Variants in ACAA2 observed in about 807,000 individuals in gnomAD.
ACAA2 encodes acetyl-CoA acyltransferase 2, also known as 3-ketoacyl-CoA thiolase, mitochondrial.
A neutral mutation model predicts 44.8 loss-of-function variants in ACAA2; 35 were observed. The ratio of observed to expected loss-of-function variants is 0.78; its 90% confidence interval spans 0.60 to 1.04. The LOEUF (loss-of-function observed/expected upper bound fraction) is 1.04. Among genes scored for constraint, ACAA2 ranks in the 50% least tolerant of loss-of-function variants. ACAA2 has a pLI of 0.00. For synonymous variants in ACAA2, 142 were observed against 166.5 expected (o/e 0.85, Z 1.13); for missense variants, 468 against 482.6 (o/e 0.97, Z 0.28).
At chr18:49,787,603 T>C (rs1402507966) in intron 7 of ACAA2, among the ~76,000 whole-genome samples, 2 of 151,682 alleles carry the variant, frequency 1.3e-5, no homozygotes, top group African/African-American at 4.8e-5. Context: ...AGTGGGAGGA[T>C]CACTTTAGCC....
At chr18:49,801,837 T>C (rs1443697797) in intron 2 of ACAA2, among the ~76,000 whole-genome samples, 1 of 145,130 alleles carries the variant, frequency 6.9e-6, no homozygotes, top group Non-Finnish European at 1.5e-5. Flanking sequence ...CATTAGATTA[T>C]TACCTCCTTT....
chr18:49,787,268 A>AC lies in ACAA2; in HGVS notation c.954+22_954+23insG, dbSNP rs774059180. Reference sequence around the variant, plus strand: ...TGGTTTATTCATGTTGTTAAAAAAAAAAAAAAAAAAAAAAACACTTACCTC... The same window carrying AC: ...TGGTTTATTCATGTTGTTAAAAAAAACAAAAAAAAAAAAAAACACTTACCTC... On this transcript the variant is annotated intron_variant, in intron 8 of 9. Transcript: ENST00000285093. The AC allele has an allele frequency of 4.6e-4, 662 of 1,429,170 alleles. 15 individuals are homozygous for AC. The South Asian group carries it at 9.3e-3, about 20-fold the overall frequency. The allele number at this position is 1,429,170 out of a possible 1,614,324, so 88.5% of individuals were successfully genotyped here. A position where few individuals can be genotyped will look rare whatever the true frequency, so the allele number is the denominator to read the frequency against.
chr18:49,810,306 AAAGAT>A (rs1568592242), intron 1 of ACAA2, among the ~76,000 whole-genome samples: 1 of 152,176 alleles, frequency 6.6e-6, no homozygotes, highest in African/African-American at 2.4e-5. Context: ...TTTGAAATCC[AAAGAT>A]AACAAAAATA....
At chr18:49,784,772 A>G (rs1157865052) in intron 9 of ACAA2, among the ~76,000 whole-genome samples, 1 of 152,136 alleles carries the variant, frequency 6.6e-6, no homozygotes, top group Non-Finnish European at 1.5e-5. Flanking sequence ...AAAAACTTAG[A>G]CCCAAATGTC....
intron 8 of ACAA2, 123 bp downstream of exon 8, chr18:49,787,168 T>A: frequency 1.4e-6 from 1 of 737,454 alleles, no homozygotes; most frequent in Non-Finnish European, 2.0e-6. Context: ...ATGTACATCA[T>A]TTGGAAAGGC....
Position 49,783,280 on chromosome 18 carries a change from T to TTGTC in ACAA2, c.*563_*566dup, listed in dbSNP as rs1308438954. ...TTATAGAAACAAAATACACTGGTGG[T>TTGTC]TGTCAGGGGATGGGGGATGGGAGAA... On this transcript the variant is annotated 3_prime_UTR_variant, in exon 10 of 10. Transcript: ENST00000285093. 2 of 152,302 alleles carry TTGTC rather than the reference T, an allele frequency of 1.3e-5. No homozygotes were observed. The highest frequency in any genetic ancestry group is 2.9e-5 in the Non-Finnish European group (2 of 68,122). 9.4% of individuals were successfully genotyped at this position (152,302 alleles called of 1,614,324 possible). A position where few individuals can be genotyped will look rare whatever the true frequency, so the allele number is the denominator to read the frequency against.
chr18:49,791,073 A>C (rs1006724070), intron 7 of ACAA2, among the ~76,000 whole-genome samples: 4 of 152,210 alleles, frequency 2.6e-5, no homozygotes, highest in African/African-American at 9.6e-5. Flanking sequence ...AGGAGCTGCG[A>C]TACCACCTTC....
At chr18:49,794,534 T>G (rs2023442983) in intron 4 of ACAA2, 107 bp from the exon 5 acceptor site, 1 of 922,416 alleles carries the variant, frequency 1.1e-6, no homozygotes, top group Non-Finnish European at 1.5e-6. Context: ...AAAGTAAAAT[T>G]AAGACTTTCT....
rs2023295644 is a variant in ACAA2, at chr18:49,783,917, T to C, written c.1124A>G (p.Lys375Arg). 2 of 1,613,950 alleles carry C rather than the reference T, an allele frequency of 1.2e-6. No homozygotes were observed. The highest frequency in any genetic ancestry group is 1.7e-6 in the Non-Finnish European group (2 of 1,179,964). The part of the protein sequence containing the change: ...LVHELRRRGG[K>R]YAVGSACIGG... Reference sequence around the variant, plus strand: ...AATGCAAGCTGATCCAACGGCATATTTTCCACCTCGACGCCTGAAAAAGAA... The same window carrying C: ...AATGCAAGCTGATCCAACGGCATATCTTCCACCTCGACGCCTGAAAAAGAA... The change falls in exon 10 of 10, where the codon AAA becomes AGA. Residue 375 changes from lysine (K) to arginine (R), a missense_variant. Transcript: ENST00000285093.
At chr18:49,810,368 G>C (rs2023655267) in intron 1 of ACAA2, among the ~76,000 whole-genome samples, 1 of 152,060 alleles carries the variant, frequency 6.6e-6, no homozygotes, top group Admixed American at 6.6e-5. Context: ...ACATGGAAAT[G>C]ACCCCTCACT....
intron 7 of ACAA2, among the ~76,000 whole-genome samples, chr18:49,788,899 T>C (rs1367480357): frequency 6.6e-6 from 1 of 152,266 alleles, no homozygotes; most frequent in Admixed American, 6.5e-5. Flanking sequence ...TCCTGGTTCC[T>C]GTCACTAATA....
rs147179328 is a variant in ACAA2, at chr18:49,795,837, G to A, written c.357C>T (p.Thr119=). ...AGTAGGGAGCTTGGCTCATGCTTTC[G>A]GTTCCTCCACATAAAACAACTTCAG... The part of the protein sequence containing the change: ...KEAEVVLCGG[T]ESMSQAPYCV... The change falls in exon 4 of 10, where the codon ACC becomes ACT. Residue 119 remains threonine, a synonymous_variant. Transcript: ENST00000285093. 1.1e-5 allele frequency: 17 copies of A among 1,610,932 alleles called. No homozygotes were observed. Among genetic ancestry groups the A allele is most frequent in the Middle Eastern group, 1.6e-4 (1 of 6,066 alleles).
chr18:49,799,054 G>A (rs895338574), intron 2 of ACAA2, among the ~76,000 whole-genome samples: 1 of 152,018 alleles, frequency 6.6e-6, no homozygotes, highest in African/African-American at 2.4e-5. Flanking sequence ...TATTTCTTAG[G>A]AAACAATGAA....
rs2023291268 is a variant in ACAA2, at chr18:49,783,616, T to G, written c.*231A>C. 8 of 449,716 alleles carry G rather than the reference T, an allele frequency of 1.8e-5. No individual in the cohort carries two copies. The highest frequency in any genetic ancestry group is 2.9e-5 in the Non-Finnish European group (7 of 243,512). 27.9% of individuals were successfully genotyped at this position (449,716 alleles called of 1,614,324 possible). A position where few individuals can be genotyped will look rare whatever the true frequency, so the allele number is the denominator to read the frequency against. On this transcript the variant is annotated 3_prime_UTR_variant, in exon 10 of 10. Transcript: ENST00000285093. Reference sequence around the variant, plus strand: ...TTTAATGTCTTCTATAGTTGAGTTTTAGCTCAGAAATACATCATATTTCAC... The same window carrying G: ...TTTAATGTCTTCTATAGTTGAGTTTGAGCTCAGAAATACATCATATTTCAC...
intron 2 of ACAA2, 131 bp from the exon 3 acceptor site, chr18:49,797,725 T>C (rs990471529): frequency 1.1e-5 from 7 of 627,180 alleles, no homozygotes; most frequent in Non-Finnish European, 1.3e-5. Context: ...TAGGACAAAA[T>C]GCATCTAAGT....
intron 7 of ACAA2, among the ~76,000 whole-genome samples, chr18:49,787,926 G>A (rs1241681467): frequency 6.6e-6 from 1 of 152,144 alleles, no homozygotes; most frequent in African/African-American, 2.4e-5. Flanking sequence ...AGGCCCATTT[G>A]GATAAAAGAC....
chr18:49,802,688 T>G lies in ACAA2; in HGVS notation c.182A>C (p.Gln61Pro). 2 of 1,613,638 alleles carry G rather than the reference T, an allele frequency of 1.2e-6. No individual in the cohort carries two copies. Among genetic ancestry groups the G allele is most frequent in the Non-Finnish European group, 1.7e-6 (2 of 1,179,778 alleles). The change falls in exon 2 of 10, where the codon CAG becomes CCG. Residue 61 changes from glutamine (Q) to proline (P), a missense_variant and splice_region_variant. Gln to Pro is a moderately conservative substitution (Grantham distance 76). Transcript: ENST00000285093. The part of the protein sequence containing the change: ...VDSVIMGNVL[Q>P]SSSDAIYLAR... ...AACACCTTCCTTTACTCTACTAACCTGCAGGACATTGCCCATAATCACACT... is the reference window on the plus strand; with the variant it reads ...AACACCTTCCTTTACTCTACTAACCGGCAGGACATTGCCCATAATCACACT...
intron 2 of ACAA2, among the ~76,000 whole-genome samples, chr18:49,799,524 G>A (rs2023506560): frequency 1.3e-5 from 2 of 152,190 alleles, no homozygotes; most frequent in South Asian, 4.1e-4. Flanking sequence ...GTGCTCAATA[G>A]TGCCCAGGCT....
chr18:49,792,051 C>T, intron 6 of ACAA2, 101 bp downstream of exon 6: 2 of 925,444 alleles, frequency 2.2e-6, no homozygotes, highest in Non-Finnish European at 3.2e-6. Context: ...TTAAGCTAAA[C>T]AACTAAAGAC....
Sources: gnomAD v4.1 joint callset for allele counts (sites outside exome capture counted in the v4.1 genomes callset) on GRCh38, gnomAD v4.1.1 for gene constraint, MANE v1.5 for transcripts, NCBI Gene and HGNC (gene_info 2026-07-23, HGNC 2026-07-21) for gene names.